HDAC9: variants seen among roughly 807,000 people sequenced by gnomAD.
HDAC9 encodes the protein MEF-2 interacting transcription repressor (MITR) protein.
Under a neutral mutation model 139.4 loss-of-function variants are expected in HDAC9, and 41 were observed. The ratio of observed to expected loss-of-function variants is 0.29; its 90% CI spans 0.23 to 0.38. The LOEUF is 0.38. HDAC9 is among the 10% of genes least tolerant of loss of function. The pLI, the probability that HDAC9 is intolerant of heterozygous loss-of-function variation, is 1.00. For missense variants in HDAC9, 1,147 were observed against 1,297.0 expected (o/e 0.88, Z 1.78); for synonymous variants, 517 against 476.2 (o/e 1.09, Z -1.12).
At chr7:18,856,521 A>G (rs548580947) in intron 21 of HDAC9, among the ~76,000 whole-genome samples, 4 of 152,056 alleles carry the variant, frequency 2.6e-5, no homozygotes, top group Non-Finnish European at 5.9e-5. Context: ...TAGAACCTCT[A>G]TTTTTCTTAC....
intron 1 of HDAC9, among the ~76,000 whole-genome samples, chr7:18,108,868 C>G (rs1402808609): frequency 6.6e-6 from 1 of 152,142 alleles, no homozygotes; most frequent in Non-Finnish European, 1.5e-5. Context: ...GATCCTCCCT[C>G]CTCGGCCTCC....
chr7:18,958,022 TC>T (rs1783278592), intron 24 of HDAC9, among the ~76,000 whole-genome samples: 1 of 152,086 alleles, frequency 6.6e-6, no homozygotes, highest in Admixed American at 6.6e-5. Flanking sequence ...GAGAACTGAG[TC>T]CCCCAGCTGA....
intron 1 of HDAC9, among the ~76,000 whole-genome samples, chr7:18,386,662 C>T (rs375113510): frequency 6.6e-6 from 1 of 152,132 alleles, no homozygotes; most frequent in South Asian, 2.1e-4. Flanking sequence ...TTTGTGCAGC[C>T]TAGTTAGAGT....
intron 22 of HDAC9, among the ~76,000 whole-genome samples, chr7:18,927,000 G>C (rs569990893): frequency 6.6e-6 from 1 of 152,176 alleles, no homozygotes; most frequent in Non-Finnish European, 1.5e-5. Flanking sequence ...TCCGGATTCA[G>C]TGAACTTGGA....
chr7:18,979,271 T>C (rs1401682436), intron 25 of HDAC9, among the ~76,000 whole-genome samples: 1 of 152,142 alleles, frequency 6.6e-6, no homozygotes, highest in East Asian at 1.9e-4. Context: ...GGCTTATCAA[T>C]AGTTCCAATG....
intron 1 of HDAC9, among the ~76,000 whole-genome samples, chr7:18,116,305 A>T (rs1053521282): frequency 1.3e-5 from 2 of 152,200 alleles, no homozygotes; most frequent in East Asian, 3.8e-4. Flanking sequence ...TGTGAAAATT[A>T]TGCCTGCTTG....
At chr7:18,708,629 G>A (rs1784116076) in intron 12 of HDAC9, among the ~76,000 whole-genome samples, 1 of 152,186 alleles carries the variant, frequency 6.6e-6, no homozygotes, top group Non-Finnish European at 1.5e-5. Flanking sequence ...GCCAGGTGAG[G>A]TCTACAAGTC....
chr7:18,917,372 T>A (rs1208663359), intron 22 of HDAC9, among the ~76,000 whole-genome samples: 3 of 151,994 alleles, frequency 2.0e-5, no homozygotes, highest in Non-Finnish European at 2.9e-5. Flanking sequence ...TATTGGTTGA[T>A]GTGCCAAGAA....
At chr7:18,830,297 T>C (rs1441169893) in intron 19 of HDAC9, among the ~76,000 whole-genome samples, 1 of 152,176 alleles carries the variant, frequency 6.6e-6, no homozygotes, top group Non-Finnish European at 1.5e-5. Context: ...AGCCCCGTTT[T>C]CAGTTTGCCT....
At chr7:18,454,460 A>T (rs534697009) in intron 1 of HDAC9, among the ~76,000 whole-genome samples, 1 of 152,194 alleles carries the variant, frequency 6.6e-6, no homozygotes, top group East Asian at 1.9e-4. Context: ...GAAAATTTAA[A>T]CAAGTTACTC....
At chr7:18,944,208 TC>T (rs1782213181) in intron 23 of HDAC9, among the ~76,000 whole-genome samples, 3 of 152,108 alleles carry the variant, frequency 2.0e-5, no homozygotes, top group Admixed American at 2.0e-4. Context: ...GAGAGTCAGG[TC>T]TTCATTACAA....
chr7:18,622,843 A>G (rs1022787754), intron 6 of HDAC9, among the ~76,000 whole-genome samples: 1 of 151,958 alleles, frequency 6.6e-6, no homozygotes, highest in Admixed American at 6.6e-5. Flanking sequence ...TTCACAACCT[A>G]GGATTAAGAG....
intron 1 of HDAC9, among the ~76,000 whole-genome samples, chr7:18,411,118 C>T (rs180894079): frequency 1.3e-5 from 2 of 152,234 alleles, no homozygotes; most frequent in Admixed American, 1.3e-4. Context: ...AGAGTTCCAG[C>T]CTGAGTATTT....
At chr7:18,250,003 A>C (rs1024075300) in intron 2 of HDAC9, among the ~76,000 whole-genome samples, 1 of 152,202 alleles carries the variant, frequency 6.6e-6, no homozygotes, top group African/African-American at 2.4e-5. Context: ...AGAGCAACAG[A>C]GTGAGCCCCA....
At chr7:18,984,277 G>A (rs1221584376) in intron 25 of HDAC9, among the ~76,000 whole-genome samples, 3 of 152,044 alleles carry the variant, frequency 2.0e-5, no homozygotes, top group African/African-American at 7.2e-5. Context: ...AGTTCAGAGA[G>A]TATATGAGTG....
intron 1 of HDAC9, among the ~76,000 whole-genome samples, chr7:18,402,813 G>A (rs1251456560): frequency 6.6e-6 from 1 of 152,096 alleles, no homozygotes; most frequent in Non-Finnish European, 1.5e-5. Flanking sequence ...CCTCTTTTAA[G>A]AACAGACTCA....
At chr7:18,738,606 G>A (rs1162896146) in intron 13 of HDAC9, among the ~76,000 whole-genome samples, 4 of 152,194 alleles carry the variant, frequency 2.6e-5, no homozygotes, top group Non-Finnish European at 5.9e-5. Context: ...CTTCTGGCTT[G>A]TAGGGTTTCT....
intron 2 of HDAC9, among the ~76,000 whole-genome samples, chr7:18,263,963 A>G (rs1562809922): frequency 6.6e-6 from 1 of 152,162 alleles, no homozygotes; most frequent in Non-Finnish European, 1.5e-5. Flanking sequence ...TACTACAGAC[A>G]AAAAAGGACA....
intron 1 of HDAC9, among the ~76,000 whole-genome samples, chr7:18,322,197 A>C (rs1800081082): frequency 6.6e-6 from 1 of 152,196 alleles, no homozygotes; most frequent in African/African-American, 2.4e-5. Flanking sequence ...AAGCTGGGGC[A>C]CAATCAGAAA....
Sources: allele counts gnomAD v4.1 joint callset (sites outside exome capture counted in the v4.1 genomes callset), GRCh38; gene constraint gnomAD v4.1.1; transcripts MANE v1.5; gene names NCBI Gene and HGNC (gene_info 2026-07-23, HGNC 2026-07-21).